ZNF155: variants seen among roughly 807,000 people sequenced by gnomAD.
The protein encoded by ZNF155 is zinc finger protein 155.
ZNF155 carries 15 observed loss-of-function variants against 11.9 expected under a neutral mutation model. The ratio of observed to expected loss-of-function variants is 1.26; its 90% CI spans 0.84 to 1.94. The LOEUF is 1.94. ZNF155 is among the 30% of genes most tolerant of loss of function. ZNF155 has a pLI of 0.00. For missense variants in ZNF155, 602 were observed against 639.1 expected (o/e 0.94, Z 0.63); for synonymous variants, 212 against 219.9 (o/e 0.96, Z 0.32).
chr19:43,984,200 G>A lies in ZNF155; in HGVS notation c.-131G>A, dbSNP rs62116613. Reference sequence around the variant, plus strand: ...CGCCTGTGGCATCATCGACACTTCCGGTCTCCGAGCAGGACACTGCTACTT... The same window carrying A: ...CGCCTGTGGCATCATCGACACTTCCAGTCTCCGAGCAGGACACTGCTACTT... On this transcript the variant is annotated 5_prime_UTR_variant, in exon 1 of 5. Coordinates refer to ENST00000270014, the MANE Select transcript of ZNF155 (RefSeq NM_198089.3). 0.062 allele frequency: 9,382 copies of A among 152,066 alleles called. 410 individuals carry two copies. Among genetic ancestry groups the A allele is most frequent in the Non-Finnish European group, 0.098 (6,645 of 68,002 alleles). The allele number at this position is 152,066 out of a possible 1,614,324, so 9.4% of individuals were successfully genotyped here. A position where few individuals can be genotyped will look rare whatever the true frequency, so the allele number is the denominator to read the frequency against.
rs1975677512 is a variant in ZNF155, at chr19:43,991,841, G to A, written c.143-1G>A. The A allele has an allele frequency of 1.2e-6, 2 of 1,613,118 alleles. No homozygotes were observed. The highest frequency in any genetic ancestry group is 1.3e-5 in the African/African-American group (1 of 74,888). ...CAGCACGTGACCTTACCTATTCACA[G>A]GGCATCAACCGTTCCACCAAGATAC... On this transcript the variant is annotated splice_acceptor_variant, in intron 3 of 4. Transcript: ENST00000270014. LOFTEE classifies it high-confidence loss of function.
rs557997341 is a variant in ZNF155, at chr19:43,988,712, C to T, written c.15+154C>T. Reference sequence around the variant, plus strand: ...TCCTTTATCTCTTTTGTGTTGACTGCATTTGGTTTTTGGTTTTGCTTTGTT... The same window carrying T: ...TCCTTTATCTCTTTTGTGTTGACTGTATTTGGTTTTTGGTTTTGCTTTGTT... On this transcript the variant is annotated intron_variant, in intron 2 of 4. Coordinates refer to ENST00000270014, the MANE Select transcript of ZNF155 (RefSeq NM_198089.3). The T allele has an allele frequency of 1.1e-5, 8 of 725,308 alleles. No homozygotes were observed. The Admixed American group carries it at 1.5e-4, about 14-fold the overall frequency. The allele number at this position is 725,308 out of a possible 1,614,324, so 44.9% of individuals were successfully genotyped here. A position where few individuals can be genotyped will look rare whatever the true frequency, so the allele number is the denominator to read the frequency against.
At chr19:43,993,368 A>G (rs1023570032) in intron 4 of ZNF155, among the ~76,000 whole-genome samples, 1 of 152,190 alleles carries the variant, frequency 6.6e-6, no homozygotes, top group African/African-American at 2.4e-5. Flanking sequence ...TGCCCTCTAA[A>G]ACTAGAAACA....
At position 43,996,928 on chromosome 19, in the gene ZNF155, A is replaced by G; in HGVS notation, c.1071A>G (p.Leu357=). Residue 357 remains leucine (L), a synonymous_variant, in exon 5 of 5, where the codon CTA becomes CTG. Transcript: ENST00000270014. ...GTGGAAAAGGCTTTATTGGTAGGCTAGATTTTTATAAGCATCAGGTGGTCC... is the reference window on the plus strand; with the variant it reads ...GTGGAAAAGGCTTTATTGGTAGGCTGGATTTTTATAAGCATCAGGTGGTCC... The part of the protein sequence containing the change: ...EQCGKGFIGR[L]DFYKHQVVHT... The G allele has an allele frequency of 6.2e-7, 1 of 1,610,070 alleles. No individual in the cohort carries two copies. The highest frequency in any genetic ancestry group is 1.1e-5 in the South Asian group (1 of 90,564).
Position 43,996,451 on chromosome 19 carries a change from C to T in ZNF155, c.594C>T (p.His198=), listed in dbSNP as rs62640890. Residue 198 remains histidine, a synonymous_variant, in exon 5 of 5, where the codon CAC becomes CAT. Coordinates refer to ENST00000270014, the MANE Select transcript of ZNF155 (RefSeq NM_198089.3). ...ISALHVHQRV[H]VGEKLFMCDV... ...CTCTTCATGTTCATCAGAGAGTCCA[C>T]GTGGGAGAGAAACTCTTTATGTGTG... The T allele has an allele frequency of 2.9e-3, 4,661 of 1,614,168 alleles. 92 individuals carry two copies. The African/African-American group carries it at 0.042, about 15-fold the overall frequency.
intron 2 of ZNF155, chr19:43,989,049 C>CATA (rs1431315215): frequency 6.6e-6 from 1 of 152,392 alleles, no homozygotes; most frequent in Non-Finnish European, 1.5e-5. Flanking sequence ...CTTTCCTATA[C>CATA]ATAACCTTTT....
rs1475888870 is a variant in ZNF155 at position 43,996,684 on chromosome 19, A to G, written c.827A>G (p.Lys276Arg). ...GCCTTCATTCATGATTCCCAGCTTA[A>G]GGAACATAAGAGAATCCATACTGGG... ...GKAFIHDSQL[K>R]EHKRIHTGEK... is the part of the protein sequence containing the mutation. Residue 276 changes from lysine (K) to arginine (R), a missense_variant, in exon 5 of 5, where the codon AAG (lysine) becomes AGG (arginine). Transcript: ENST00000270014. 1.9e-6 allele frequency: 3 copies of G among 1,613,878 alleles called. No individual in the cohort carries two copies. Among genetic ancestry groups the G allele is most frequent in the African/African-American group, 2.7e-5 (2 of 74,892 alleles).
intron 4 of ZNF155, 79 bp downstream of exon 4, chr19:43,992,013 T>C: frequency 7.8e-7 from 1 of 1,285,638 alleles, no homozygotes; most frequent in African/African-American, 1.5e-5. Flanking sequence ...TTTGCATTGC[T>C]CTGATGTAAA....
At chr19:43,989,175 C>T (rs1164445173) in intron 2 of ZNF155, among the ~76,000 whole-genome samples, 1 of 152,184 alleles carries the variant, frequency 6.6e-6, no homozygotes, top group Non-Finnish European at 1.5e-5. Context: ...AGGCACAGAA[C>T]AAAAGGATGT....
At chr19:43,985,031 A>G (rs1009154803) in intron 1 of ZNF155, among the ~76,000 whole-genome samples, 1 of 152,172 alleles carries the variant, frequency 6.6e-6, no homozygotes, top group African/African-American at 2.4e-5. Context: ...CTTTTTAAAA[A>G]AAAGTTATTT....
chr19:43,995,867 C>T (rs1975833183), intron 4 of ZNF155, among the ~76,000 whole-genome samples: 1 of 152,104 alleles, frequency 6.6e-6, no homozygotes, highest in Non-Finnish European at 1.5e-5. Flanking sequence ...AAATGTATAT[C>T]ATATTTTTAA....
chr19:43,996,598 T>G lies in ZNF155; in HGVS notation c.741T>G (p.Leu247=). Residue 247 remains leucine, a synonymous_variant, in exon 5 of 5, where the codon CTT becomes CTG. Transcript: ENST00000270014. ...AAGGTTTCAGTCGTAGATCAGCACT[T>G]AATGTTCATCGTAAATTACACACAG... The part of the protein sequence containing the change: ...CGKGFSRRSA[L]NVHRKLHTGE... 6.2e-7 allele frequency: 1 copy of G among 1,613,038 alleles called. No individual in the cohort carries two copies. Among genetic ancestry groups the G allele is most frequent in the Non-Finnish European group, 8.5e-7 (1 of 1,179,142 alleles).
At chr19:43,990,940 G>A (rs1394754536) in intron 2 of ZNF155, among the ~76,000 whole-genome samples, 1 of 152,074 alleles carries the variant, frequency 6.6e-6, no homozygotes, top group Admixed American at 6.6e-5. Flanking sequence ...CCCACCCGAG[G>A]TTATATACCT....
In ZNF155 at chr19:43,997,691, C is replaced by A; in HGVS notation, c.*217C>A. 1 of 487,308 alleles carries A rather than the reference C, an allele frequency of 2.1e-6. No individual in the cohort carries two copies. The highest frequency in any genetic ancestry group is 3.6e-6 in the Non-Finnish European group (1 of 279,052). 30.2% of individuals were successfully genotyped at this position (487,308 alleles called of 1,614,324 possible). A position where few individuals can be genotyped will look rare whatever the true frequency, so the allele number is the denominator to read the frequency against. ...GTCAGTGTCTCATCCCCACATAACA[C>A]AAAAAGCAGCCTGGGGAAGACAATC... On this transcript the variant is annotated 3_prime_UTR_variant, in exon 5 of 5. Coordinates refer to ENST00000270014, the MANE Select transcript of ZNF155 (RefSeq NM_198089.3).
intron 1 of ZNF155, among the ~76,000 whole-genome samples, chr19:43,984,819 C>T (rs564583518): frequency 6.6e-6 from 1 of 152,212 alleles, no homozygotes; most frequent in Admixed American, 6.5e-5. Flanking sequence ...TGATCCCGGA[C>T]GCCTCTGACC....
chr19:43,988,661 T>C, intron 2 of ZNF155, 103 bp downstream of exon 2: 1 of 1,298,050 alleles, frequency 7.7e-7, no homozygotes, highest in Non-Finnish European at 1.0e-6. Context: ...AAACAGGCAT[T>C]TGGGGACCTG....
chr19:43,997,709 A>C lies in ZNF155; in HGVS notation c.*235A>C, dbSNP rs1975957978. 2.2e-6 allele frequency: 1 copy of C among 451,428 alleles called. No individual in the cohort carries two copies. The highest frequency in any genetic ancestry group is 2.0e-5 in the African/African-American group (1 of 50,130). 28.0% of individuals were successfully genotyped at this position (451,428 alleles called of 1,614,324 possible). ...CATAACACAAAAAGCAGCCTGGGGA[A>C]GACAATCAAGCTACAGGCACTGATA... On this transcript the variant is annotated 3_prime_UTR_variant, in exon 5 of 5. Coordinates refer to ENST00000270014, the MANE Select transcript of ZNF155 (RefSeq NM_198089.3).
At chr19:43,995,520 G>C (rs1184117460) in intron 4 of ZNF155, among the ~76,000 whole-genome samples, 1 of 151,330 alleles carries the variant, frequency 6.6e-6, no homozygotes, top group African/African-American at 2.4e-5. Context: ...AAGTAGCTGG[G>C]ACTACAGAGT....
intron 1 of ZNF155, among the ~76,000 whole-genome samples, chr19:43,985,190 A>T (rs1360927129): frequency 6.6e-6 from 1 of 151,706 alleles, no homozygotes; most frequent in East Asian, 2.0e-4. Context: ...GCTCCGGAGT[A>T]GCTGGGATTA....
Sources: allele counts gnomAD v4.1 joint callset (sites outside exome capture counted in the v4.1 genomes callset), GRCh38; gene constraint gnomAD v4.1.1; transcripts MANE v1.5; gene names NCBI Gene and HGNC (gene_info 2026-07-23, HGNC 2026-07-21).